The following GPC6 variants were observed in gnomAD, a reference collection of about 807,000 sequenced individuals.
GPC6 encodes the protein glypican-6.
Under a neutral mutation model 55.2 loss-of-function variants are expected in GPC6, and 14 were observed. That is an observed-to-expected ratio of 0.25 (90% CI 0.17 to 0.40). The LOEUF is 0.40. Ranked by LOEUF, GPC6 falls within the 10% of genes least tolerant of loss-of-function variation. GPC6 has a pLI of 1.00. For synonymous variants in GPC6, 278 were observed against 259.6 expected (o/e 1.07, Z -0.68); for missense variants, 641 against 708.5 (o/e 0.90, Z 1.08).
intron 4 of GPC6, among the ~76,000 whole-genome samples, chr13:94,204,751 G>GAATT (rs1488224863): frequency 2.6e-5 from 4 of 152,126 alleles, no homozygotes; most frequent in African/African-American, 9.7e-5. Context: ...TCTGTCACTA[G>GAATT]AATTAATCAT....
chr13:93,653,962 G>C (rs1880541114), intron 2 of GPC6, among the ~76,000 whole-genome samples: 1 of 152,148 alleles, frequency 6.6e-6, no homozygotes, highest in African/African-American at 2.4e-5. Flanking sequence ...GTTTTACTCT[G>C]TCACTCATTC....
At chr13:93,456,870 C>G (rs558040065) in intron 1 of GPC6, among the ~76,000 whole-genome samples, 154 of 152,112 alleles carry the variant, frequency 1.0e-3, no homozygotes, top group Non-Finnish European at 1.4e-3. Context: ...GGCTGTGTCC[C>G]CACCCGAATC....
At chr13:94,338,131 C>CACTT (rs1877817433) in intron 6 of GPC6, among the ~76,000 whole-genome samples, 2 of 152,354 alleles carry the variant, frequency 1.3e-5, no homozygotes, top group Admixed American at 1.3e-4. Flanking sequence ...ATAGAAATCA[C>CACTT]ACTTAGATGG....
At chr13:94,295,170 T>G (rs1461707792) in intron 5 of GPC6, among the ~76,000 whole-genome samples, 1 of 152,176 alleles carries the variant, frequency 6.6e-6, no homozygotes. Context: ...CTATGTTGTG[T>G]GATTTGGGGC....
chr13:93,254,802 A>G (rs1375448602), intron 1 of GPC6, among the ~76,000 whole-genome samples: 1 of 152,138 alleles, frequency 6.6e-6, no homozygotes, highest in Non-Finnish European at 1.5e-5. Context: ...TGGAAAGCAA[A>G]ATGTTCTCTC....
intron 2 of GPC6, among the ~76,000 whole-genome samples, chr13:93,635,975 A>G (rs2139578427): frequency 1.3e-5 from 2 of 152,174 alleles, no homozygotes; most frequent in South Asian, 4.1e-4. Context: ...GATTTCTTTC[A>G]AGGAGAGGAC....
At chr13:94,058,987 G>A (rs939013060) in intron 4 of GPC6, among the ~76,000 whole-genome samples, 129 of 152,152 alleles carry the variant, frequency 8.5e-4, no homozygotes, top group Middle Eastern at 3.4e-3. Context: ...TTAAGCACAA[G>A]GGTTAGCTAG....
chr13:93,897,645 A>T (rs1324035702), intron 3 of GPC6, among the ~76,000 whole-genome samples: 1 of 152,144 alleles, frequency 6.6e-6, no homozygotes, highest in African/African-American at 2.4e-5. Flanking sequence ...CAGATATATG[A>T]CATACCTTCT....
chr13:93,776,982 T>C (rs1179107335), intron 2 of GPC6, among the ~76,000 whole-genome samples: 2 of 152,188 alleles, frequency 1.3e-5, no homozygotes, highest in African/African-American at 4.8e-5. Flanking sequence ...CCCTGTCAGA[T>C]TTCCTTATCC....
intron 3 of GPC6, among the ~76,000 whole-genome samples, chr13:94,000,689 T>C (rs958635380): frequency 1.2e-4 from 18 of 152,128 alleles, no homozygotes; most frequent in African/African-American, 4.1e-4. Flanking sequence ...AAAAGGTACA[T>C]GAATTCAGTT....
rs374119007 is a variant in GPC6, at chr13:93,894,573, T to C, written c.711+64028T>C. Among the ~76,000 whole-genome samples the C allele has an allele frequency of 1.8e-4, 27 of 152,288 alleles. 1 individual carries two copies. Among genetic ancestry groups the C allele is most frequent in the African/African-American group, 6.3e-4 (26 of 41,578 alleles). On this transcript the variant is annotated intron_variant, in intron 3 of 8. Coordinates refer to ENST00000377047, the MANE Select transcript of GPC6 (RefSeq NM_005708.5). ...CTGAGTGACACAATTTCAATCACAA[T>C]TGGAGTAACATTGTTCCATGCTTTA...
chr13:93,571,757 G>A (rs2139475354), intron 2 of GPC6, among the ~76,000 whole-genome samples: 1 of 152,178 alleles, frequency 6.6e-6, no homozygotes, highest in African/African-American at 2.4e-5. Context: ...GTTTTTCACT[G>A]CCTTTGCTTA....
intron 3 of GPC6, among the ~76,000 whole-genome samples, chr13:94,000,138 C>T (rs1594655509): frequency 6.6e-6 from 1 of 152,136 alleles, no homozygotes; most frequent in Non-Finnish European, 1.5e-5. Flanking sequence ...TCAGACATCC[C>T]TATCTTTGTG....
chr13:93,561,407 A>C (rs1405036115), intron 2 of GPC6, among the ~76,000 whole-genome samples: 1 of 65,164 alleles, frequency 1.5e-5, no homozygotes, highest in East Asian at 4.5e-4. Flanking sequence ...CCCTATCGAT[A>C]TATATATATA....
intron 1 of GPC6, among the ~76,000 whole-genome samples, chr13:93,352,773 C>A (rs35680959): frequency 0.069 from 10,515 of 152,108 alleles, 502 homozygotes; most frequent in East Asian, 0.12. Flanking sequence ...GCAAATCTCA[C>A]GGTGTCTGAG....
chr13:93,943,179 A>G (rs529318920), intron 3 of GPC6, among the ~76,000 whole-genome samples: 1 of 152,294 alleles, frequency 6.6e-6, no homozygotes, highest in African/African-American at 2.4e-5. Context: ...ATTATACATT[A>G]TATCTCAATT....
chr13:94,202,248 T>G (rs1889775047), intron 4 of GPC6, among the ~76,000 whole-genome samples: 1 of 152,224 alleles, frequency 6.6e-6, no homozygotes, highest in Non-Finnish European at 1.5e-5. Context: ...GAAATCATAT[T>G]GATATATTTC....
chr13:93,623,740 G>C (rs1035264022), intron 2 of GPC6, among the ~76,000 whole-genome samples: 11 of 152,180 alleles, frequency 7.2e-5, no homozygotes, highest in African/African-American at 2.6e-4. Context: ...TTACAGGCTT[G>C]GGCCACCGCG....
intron 6 of GPC6, among the ~76,000 whole-genome samples, chr13:94,309,020 C>A (rs1876101137): frequency 6.6e-6 from 1 of 152,206 alleles, no homozygotes; most frequent in Non-Finnish European, 1.5e-5. Flanking sequence ...GGCCTGTCAT[C>A]CATTACAGCC....
Sources: allele counts gnomAD v4.1 joint callset (sites outside exome capture counted in the v4.1 genomes callset), GRCh38; gene constraint gnomAD v4.1.1; transcripts MANE v1.5; gene names NCBI Gene and HGNC (gene_info 2026-07-23, HGNC 2026-07-21).